Variants in SNAP29 observed in about 807,000 individuals in gnomAD.
The protein encoded by SNAP29 is synaptosome associated protein 29.
In SNAP29, 13 loss-of-function variants were observed where a neutral mutation model predicts 27.9. That is an observed-to-expected ratio of 0.47 (90% CI 0.30 to 0.74). The LOEUF is 0.74. SNAP29 is among the 30% of genes least tolerant of loss of function. The pLI, the probability that SNAP29 is intolerant of heterozygous loss-of-function variation, is 0.06. For synonymous variants in SNAP29, 119 were observed against 127.1 expected, an observed-to-expected ratio of 0.94 and a Z score of 0.43; for missense variants, 368 against 336.5, an observed-to-expected ratio of 1.09 and a Z score of -0.73.
Position 20,870,322 on chromosome 22 carries a change from T to C in SNAP29, c.238-15T>C. 6.2e-7 allele frequency: 1 copy of C among 1,613,862 alleles called. No individual in the cohort carries two copies. The highest frequency in any genetic ancestry group is 8.5e-7 in the Non-Finnish European group (1 of 1,179,898). On this transcript the variant is annotated splice_polypyrimidine_tract_variant and intron_variant, in intron 1 of 4. Transcript: ENST00000215730. ...CACAGAAAGCTATAATGCCACTGCC[T>C]CTCGGTTTCCCCAGGAGCTCGCCCG...
intron 1 of SNAP29, 111 bp downstream of exon 1, chr22:20,859,458 A>G: frequency 6.0e-6 from 5 of 835,976 alleles, no homozygotes; most frequent in Non-Finnish European, 8.3e-6. Context: ...CCTAGCATAG[A>G]TTCTTGCACC....
intron 2 of SNAP29, among the ~76,000 whole-genome samples, chr22:20,878,080 G>T (rs1928790971): frequency 6.6e-6 from 1 of 152,184 alleles, no homozygotes; most frequent in African/African-American, 2.4e-5. Flanking sequence ...CCCTTAGCTT[G>T]CGGGAGTCTG....
Position 20,887,666 on chromosome 22 carries a change from C to T in SNAP29, c.620-13C>T, listed in dbSNP as rs200942768. The T allele has an allele frequency of 1.2e-5, 19 of 1,614,144 alleles. No homozygotes were observed. The African/African-American group carries it at 1.9e-4, about 16-fold the overall frequency. On this transcript the variant is annotated splice_polypyrimidine_tract_variant and intron_variant, in intron 4 of 4. Transcript: ENST00000215730. The stretch of plus-strand genomic sequence containing the variant: ...GTTTGCTCATGCCTGCGTGTCATTT[C>T]CTCCTCCTGCAGATGAGCTGTCCAT...
intron 2 of SNAP29, among the ~76,000 whole-genome samples, chr22:20,879,113 CCG>C (rs1928823195): frequency 2.0e-5 from 3 of 152,002 alleles, no homozygotes; most frequent in Non-Finnish European, 4.4e-5. Context: ...CGAGACCATT[CCG>C]GCTAACACGG....
At chr22:20,869,336 G>A (rs187661816) in intron 1 of SNAP29, among the ~76,000 whole-genome samples, 14 of 152,170 alleles carry the variant, frequency 9.2e-5, no homozygotes, top group African/African-American at 1.2e-4. Context: ...GTCTGGGAAG[G>A]CCTCTCTGAG....
intron 4 of SNAP29, among the ~76,000 whole-genome samples, chr22:20,886,110 AT>A (rs1382430295): frequency 5.5e-5 from 8 of 144,706 alleles, no homozygotes; most frequent in Admixed American, 2.1e-4. Flanking sequence ...CTGAAGACTT[AT>A]CTTTTTTTTT....
At chr22:20,859,388 G>C in intron 1 of SNAP29, 41 bp downstream of exon 1, 2 of 1,364,968 alleles carry the variant, frequency 1.5e-6, no homozygotes, top group African/African-American at 1.4e-5. Context: ...GCCGGTCTCT[G>C]TGCTGTCAAA....
chr22:20,887,825 C>G lies in SNAP29; in HGVS notation c.766C>G (p.Arg256Gly). 2 of 1,613,964 alleles carry G rather than the reference C, an allele frequency of 1.2e-6. No homozygotes were observed. Among genetic ancestry groups the G allele is most frequent in the Non-Finnish European group, 1.7e-6 (2 of 1,179,968 alleles). The change falls in exon 5 of 5, where the codon CGA becomes GGA. Residue 256 changes from arginine (R) to glycine (G), a missense_variant. Arg to Gly is a moderately radical substitution (Grantham distance 125). Transcript: ENST00000215730. Reference protein sequence around the residue: ...VNIKSTERKVRQL With the variant: ...VNIKSTERKVGQL The stretch of plus-strand genomic sequence containing the variant: ...CATAAAAAGCACAGAAAGAAAAGTT[C>G]GACAACTCTGAAGACAGACGGATTT...
At chr22:20,883,761 G>A (rs545419099) in intron 4 of SNAP29, among the ~76,000 whole-genome samples, 192 bp downstream of exon 4, 2 of 151,984 alleles carry the variant, frequency 1.3e-5, no homozygotes, top group Non-Finnish European at 2.9e-5. Flanking sequence ...CCTACTTCTA[G>A]CCCAGCCGAG....
intron 2 of SNAP29, among the ~76,000 whole-genome samples, chr22:20,872,663 G>A (rs1928622251): frequency 6.6e-6 from 1 of 151,976 alleles, no homozygotes; most frequent in Non-Finnish European, 1.5e-5. Context: ...GCCTTCCAAA[G>A]TGCTGGGATT....
chr22:20,881,711 A>G (rs1203799588), intron 3 of SNAP29, among the ~76,000 whole-genome samples: 1 of 152,200 alleles, frequency 6.6e-6, no homozygotes, highest in East Asian at 1.9e-4. Flanking sequence ...CTGTCTCAAA[A>G]AAGAAAATGA....
chr22:20,884,059 G>T (rs563656929), intron 4 of SNAP29, among the ~76,000 whole-genome samples: 4 of 152,202 alleles, frequency 2.6e-5, no homozygotes, highest in Admixed American at 6.6e-5. Context: ...GGGGCCGGGC[G>T]CAGTGGCTCA....
intron 3 of SNAP29, among the ~76,000 whole-genome samples, chr22:20,883,095 G>C (rs1451879749): frequency 6.6e-6 from 1 of 151,506 alleles, no homozygotes; most frequent in Non-Finnish European, 1.5e-5. Flanking sequence ...TTTATGTAAC[G>C]TAACAATTTG....
intron 1 of SNAP29, among the ~76,000 whole-genome samples, chr22:20,864,355 C>CT (rs1444981736): frequency 6.6e-6 from 1 of 152,198 alleles, no homozygotes; most frequent in Non-Finnish European, 1.5e-5. Flanking sequence ...ATCTCTGTGT[C>CT]TTTCCAGCAC....
intron 2 of SNAP29, 100 bp downstream of exon 2, chr22:20,870,633 A>G: frequency 1.8e-6 from 2 of 1,093,216 alleles, no homozygotes; most frequent in Non-Finnish European, 1.4e-6. Context: ...GAAGGGATCC[A>G]ACAACCCTTT....
chr22:20,884,350 G>A (rs950079002), intron 4 of SNAP29, among the ~76,000 whole-genome samples: 48 of 150,916 alleles, frequency 3.2e-4, no homozygotes, highest in African/African-American at 1.1e-3. Flanking sequence ...AAAAAAAGAA[G>A]AAGTGAAGGG....
chr22:20,870,868 G>T, intron 2 of SNAP29: 1 of 371,394 alleles, frequency 2.7e-6, no homozygotes, highest in Non-Finnish European at 5.2e-6. Context: ...TGGGTGCAGT[G>T]GCTCACACCT....
intron 2 of SNAP29, among the ~76,000 whole-genome samples, chr22:20,875,974 A>G (rs1415599900): frequency 6.6e-6 from 1 of 152,012 alleles, no homozygotes; most frequent in Non-Finnish European, 1.5e-5. Flanking sequence ...ATCCTAGCTA[A>G]CACGGTGAAA....
intron 2 of SNAP29, among the ~76,000 whole-genome samples, chr22:20,875,558 G>T (rs1243322309): frequency 6.6e-6 from 1 of 152,182 alleles, no homozygotes; most frequent in East Asian, 1.9e-4. Context: ...TGCAGAAGGT[G>T]AAGGTTTTGA....
Sources: allele counts gnomAD v4.1 joint callset (sites outside exome capture counted in the v4.1 genomes callset), GRCh38; gene constraint gnomAD v4.1.1; transcripts MANE v1.5; gene names NCBI Gene and HGNC (gene_info 2026-07-23, HGNC 2026-07-21).